The following RBL1 variants were observed in gnomAD, a reference collection of about 807,000 sequenced individuals.
RBL1 encodes the protein retinoblastoma-like protein 1.
Under a neutral mutation model 123.0 loss-of-function variants are expected in RBL1, and 82 were observed. That is an observed-to-expected ratio of 0.67 (90% CI 0.56 to 0.80). The LOEUF is 0.80. Among genes scored for constraint, RBL1 ranks in the 30% least tolerant of loss-of-function variants. RBL1 has a pLI of 0.00. For missense variants in RBL1, 1,171 were observed against 1,299.6 expected (o/e 0.90, Z 1.52); for synonymous variants, 405 against 441.3 (o/e 0.92, Z 1.03).
intron 21 of RBL1, among the ~76,000 whole-genome samples, chr20:37,000,912 C>G (rs1378500170): frequency 7.2e-6 from 1 of 138,680 alleles, no homozygotes; most frequent in East Asian, 2.3e-4. Context: ...GGTCAGCCCC[C>G]CGCCCGGCCA....
At chr20:37,069,411 G>A (rs1294464424) in intron 2 of RBL1, among the ~76,000 whole-genome samples, 1 of 150,980 alleles carries the variant, frequency 6.6e-6, no homozygotes, top group Admixed American at 6.6e-5. Context: ...CTTCCTCGCC[G>A]CCATCCCATC....
rs2064004814 is a variant in RBL1 at position 37,002,477 on chromosome 20, G to A, written c.3036+1225C>T. Among the ~76,000 whole-genome samples the A allele has an allele frequency of 2.0e-5, 3 of 147,114 alleles. No homozygotes were observed. In the Admixed American group the frequency reaches 2.1e-4, roughly 10 times the overall value. On this transcript the variant is annotated intron_variant, in intron 21 of 21. Coordinates refer to ENST00000373664, the MANE Select transcript of RBL1 (RefSeq NM_002895.5). Reference sequence around the variant, plus strand: ...TCCTGCCTCAGCCTCCCAAGTAGCTGGGATTACAGGTGCCCACCACCATGC... The same window carrying A: ...TCCTGCCTCAGCCTCCCAAGTAGCTAGGATTACAGGTGCCCACCACCATGC...
intron 11 of RBL1, 46 bp from the exon 12 acceptor site, chr20:37,047,236 A>T (rs750896192): frequency 6.4e-7 from 1 of 1,554,896 alleles, no homozygotes. Context: ...CAGCAATTTC[A>T]GTCTTTGCCA....
At chr20:37,079,828 T>C (rs997035481) in intron 2 of RBL1, among the ~76,000 whole-genome samples, 1 of 152,150 alleles carries the variant, frequency 6.6e-6, no homozygotes, top group African/African-American at 2.4e-5. Flanking sequence ...GTGACTTTTC[T>C]GAAGTTTACG....
intron 2 of RBL1, among the ~76,000 whole-genome samples, chr20:37,079,465 AT>A (rs768901139): frequency 1.9e-3 from 219 of 115,666 alleles, no homozygotes; most frequent in South Asian, 5.6e-3. Context: ...GGCTTAAAGC[AT>A]TTTTTTTTTT....
intron 13 of RBL1, among the ~76,000 whole-genome samples, chr20:37,042,088 A>G (rs952953243): frequency 4.6e-5 from 7 of 151,572 alleles, no homozygotes; most frequent in South Asian, 2.1e-4. Context: ...AAAAAAAAAA[A>G]AAAGAAAGTG....
chr20:37,003,909 CTT>C (rs2064027805), intron 20 of RBL1, 43 bp from the exon 21 acceptor site: 6 of 1,518,268 alleles, frequency 4.0e-6, no homozygotes, highest in Non-Finnish European at 3.6e-6. Context: ...AAAAGTTTTT[CTT>C]TGTTTTTGAA....
Position 37,044,364 on chromosome 20 carries a change from G to A in RBL1, c.1606-114C>T, listed in dbSNP as rs143739053. ...TTCTTCTTCTTTTTTTTGAGACGGA[G>A]TTTCCCTCTGTTGCCCAGGCTGGAG... On this transcript the variant is annotated intron_variant, in intron 12 of 21. Coordinates refer to ENST00000373664, the MANE Select transcript of RBL1 (RefSeq NM_002895.5). 2.4e-3 allele frequency: 2,484 copies of A among 1,016,502 alleles called. 44 individuals carry two copies. In the African/African-American group the frequency reaches 0.037, roughly 15 times the overall value. 63.0% of individuals were successfully genotyped at this position (1,016,502 alleles called of 1,614,324 possible).
At chr20:37,090,463 C>T (rs1210246168) in intron 1 of RBL1, among the ~76,000 whole-genome samples, 1 of 152,162 alleles carries the variant, frequency 6.6e-6, no homozygotes, top group African/African-American at 2.4e-5. Flanking sequence ...CTTTATGTTT[C>T]TCTTTAGTGT....
chr20:37,017,734 G>A (rs984385477), intron 19 of RBL1, among the ~76,000 whole-genome samples: 1 of 151,644 alleles, frequency 6.6e-6, no homozygotes, highest in African/African-American at 2.4e-5. Context: ...GGTTTCAAGC[G>A]ATTCTCCTGC....
At chr20:37,092,702 G>A (rs1184178744) in intron 1 of RBL1, among the ~76,000 whole-genome samples, 1 of 151,684 alleles carries the variant, frequency 6.6e-6, no homozygotes, top group East Asian at 1.9e-4. Context: ...ATGTTGCCCA[G>A]GCTGGTCTTG....
chr20:37,065,200 T>G (rs747017020), intron 7 of RBL1, among the ~76,000 whole-genome samples: 1 of 152,224 alleles, frequency 6.6e-6, no homozygotes, highest in Non-Finnish European at 1.5e-5. Context: ...TCCAAAGTGA[T>G]GGGTTTACAG....
At chr20:37,084,216 T>G (rs1271591040) in intron 2 of RBL1, among the ~76,000 whole-genome samples, 1 of 152,100 alleles carries the variant, frequency 6.6e-6, no homozygotes, top group East Asian at 1.9e-4. Flanking sequence ...GATACATCTT[T>G]TGACCCATTT....
intron 19 of RBL1, among the ~76,000 whole-genome samples, chr20:37,015,723 C>A (rs1301065880): frequency 6.7e-6 from 1 of 150,344 alleles, no homozygotes; most frequent in Non-Finnish European, 1.5e-5. Context: ...AGCCACCGCA[C>A]CCGGGCTTGT....
chr20:37,056,065 GA>G (rs2064999366), intron 10 of RBL1, 80 bp downstream of exon 10: 1 of 1,506,758 alleles, frequency 6.6e-7, no homozygotes, highest in Non-Finnish European at 8.8e-7. Flanking sequence ...AGAATAACGG[GA>G]GAGGAAAAAC....
rs748839774 is a variant in RBL1 at position 37,003,738 on chromosome 20, G to A, written c.3000C>T (p.Ser1000=). Residue 1000 remains serine, a synonymous_variant, in exon 21 of 22, where the codon AGC becomes AGT. Transcript: ENST00000373664. The stretch of plus-strand genomic sequence containing the variant: ...TGCCATTGAACTTGTACAGCAGAGC[G>A]CTTCTTGGTGTAAGGCCTGACCCAT... The part of the protein sequence containing the change: ...HKNGSGLTPR[S]ALLYKFNGSP... 4.3e-6 allele frequency: 7 copies of A among 1,613,572 alleles called. No homozygotes were observed. The highest frequency in any genetic ancestry group is 3.3e-5 in the Admixed American group (2 of 59,934).
chr20:37,090,263 T>TAGG (rs1372522442), intron 1 of RBL1, among the ~76,000 whole-genome samples: 1 of 152,178 alleles, frequency 6.6e-6, no homozygotes, highest in African/African-American at 2.4e-5. Flanking sequence ...CTACACTATC[T>TAGG]AGGTTTGCAT....
At chr20:37,021,127 T>A (rs181040345) in intron 17 of RBL1, among the ~76,000 whole-genome samples, 2 of 152,368 alleles carry the variant, frequency 1.3e-5, no homozygotes, top group African/African-American at 4.8e-5. Flanking sequence ...CTTACAGTGA[T>A]GATTCTCAAT....
intron 2 of RBL1, among the ~76,000 whole-genome samples, chr20:37,083,191 G>A (rs941247051): frequency 2.6e-5 from 4 of 152,094 alleles, no homozygotes; most frequent in Non-Finnish European, 5.9e-5. Context: ...CGGAAGGCTG[G>A]GCGCGGTGGC....
Sources: allele counts gnomAD v4.1 joint callset (sites outside exome capture counted in the v4.1 genomes callset), GRCh38; gene constraint gnomAD v4.1.1; transcripts MANE v1.5; gene names NCBI Gene and HGNC (gene_info 2026-07-23, HGNC 2026-07-21).